CCSER1: variants seen among roughly 807,000 people sequenced by gnomAD.
CCSER1 encodes coiled-coil serine rich protein 1.
CCSER1 carries 41 observed loss-of-function variants against 82.0 expected under a neutral mutation model. The observed-to-expected ratio is 0.50, with a 90% CI of 0.39 to 0.65. CCSER1 has a LOEUF of 0.65. CCSER1 is among the 30% of genes least tolerant of loss of function. The probability of loss-of-function intolerance (pLI) is 0.00; values close to 1 mark genes in which losing one functional copy is unlikely to be tolerated. For synonymous variants in CCSER1, 414 were observed against 383.9 expected, an observed-to-expected ratio of 1.08 and a Z score of -0.92; for missense variants, 1,119 against 1,064.2, an observed-to-expected ratio of 1.05 and a Z score of -0.72.
At chr4:91,105,105 A>T (rs966784925) in intron 10 of CCSER1, among the ~76,000 whole-genome samples, 7 of 151,616 alleles carry the variant, frequency 4.6e-5, no homozygotes, top group Non-Finnish European at 7.4e-5. Context: ...CTTTACCTTC[A>T]TATAGAGTTT....
chr4:90,465,411 C>G (rs1286465506), intron 4 of CCSER1, among the ~76,000 whole-genome samples: 1 of 151,440 alleles, frequency 6.6e-6, no homozygotes, highest in East Asian at 1.9e-4. Flanking sequence ...ACCTCAGCCT[C>G]CCCGGTTCAA....
At chr4:90,508,459 T>C (rs899904951) in intron 5 of CCSER1, among the ~76,000 whole-genome samples, 12 of 152,074 alleles carry the variant, frequency 7.9e-5, no homozygotes, top group African/African-American at 2.4e-4. Flanking sequence ...TCTTCCCCGC[T>C]ACATTTGGAA....
chr4:91,014,007 C>A lies in CCSER1; in HGVS notation c.2173-71943C>A, dbSNP rs1477217902. Among the ~76,000 whole-genome samples the A allele has an allele frequency of 1.5e-5, 2 of 132,698 alleles. 1 individual carries two copies. The highest frequency in any genetic ancestry group is 3.5e-5 in the Non-Finnish European group (2 of 57,284). The allele number at this position is 132,698 out of a possible 152,430, so 87.1% of individuals were successfully genotyped here. ...AAGGGATTTTCATAGGAATTGTGAA[C>A]CAAATAAGAAGGAACCAAACACATA... is the stretch of plus-strand genomic sequence containing the variant. On this transcript the variant is annotated intron_variant, in intron 9 of 10. Coordinates refer to ENST00000509176, the MANE Select transcript of CCSER1 (RefSeq NM_001145065.2).
At chr4:91,062,686 T>C (rs1436633330) in intron 9 of CCSER1, among the ~76,000 whole-genome samples, 2 of 152,134 alleles carry the variant, frequency 1.3e-5, no homozygotes, top group Non-Finnish European at 1.5e-5. Context: ...TGTAAAGCTC[T>C]TTTCTGCCAT....
intron 1 of CCSER1, among the ~76,000 whole-genome samples, chr4:90,302,062 A>G (rs1733243944): frequency 1.3e-5 from 2 of 152,328 alleles, no homozygotes; most frequent in East Asian, 3.9e-4. Context: ...AATTACCCTC[A>G]GGATTATAAG....
At chr4:90,925,686 G>C (rs1728971182) in intron 9 of CCSER1, among the ~76,000 whole-genome samples, 1 of 152,030 alleles carries the variant, frequency 6.6e-6, no homozygotes, top group Non-Finnish European at 1.5e-5. Context: ...AGTTCTCTAA[G>C]CATGAAAATA....
intron 8 of CCSER1, among the ~76,000 whole-genome samples, chr4:90,826,655 G>T (rs952965367): frequency 2.0e-5 from 3 of 152,094 alleles, no homozygotes; most frequent in Non-Finnish European, 4.4e-5. Context: ...GTTTAATTCT[G>T]CATAATACAT....
chr4:91,349,098 A>G lies in CCSER1; in HGVS notation c.2218-249474A>G, dbSNP rs548149119. Among the ~76,000 whole-genome samples, 173 of 152,136 alleles carry G rather than the reference A, an allele frequency of 1.1e-3. 2 individuals are homozygous for G. Among genetic ancestry groups the G allele is most frequent in the African/African-American group, 4.0e-3 (168 of 41,528 alleles). On this transcript the variant is annotated intron_variant, in intron 10 of 10. Transcript: ENST00000509176. ...AACTTTCTGTATTTTTAGTAGAGAC[A>G]GGGTTTCACCGTGTTAGCCAGGATG...
At position 90,846,686 on chromosome 4, in the gene CCSER1, A is replaced by AT. The variant is rs372733836; in HGVS notation, c.2094+30846dup. ...GAATTTATTCCTTCTAACTAACTGT[A>AT]TTTTTGTACCCATTAACCAACCCGT... On this transcript the variant is annotated intron_variant, in intron 8 of 10. Transcript: ENST00000509176. 9.1e-3 allele frequency among the ~76,000 whole-genome samples: 1,387 copies of AT among 152,060 alleles called. 22 individuals are homozygous for AT. The highest frequency in any genetic ancestry group is 0.031 in the African/African-American group (1,301 of 41,478).
intron 10 of CCSER1, among the ~76,000 whole-genome samples, chr4:91,581,952 A>G (rs1305604174): frequency 6.6e-6 from 1 of 151,696 alleles, no homozygotes; most frequent in Non-Finnish European, 1.5e-5. Context: ...TACTTGATTC[A>G]TAACATGCTC....
At chr4:90,825,701 A>AT in intron 8 of CCSER1, among the ~76,000 whole-genome samples, 1 of 138,044 alleles carries the variant, frequency 7.2e-6, no homozygotes, top group East Asian at 2.2e-4. Flanking sequence ...AACAATTGGT[A>AT]TTTTTTTGTT....
At chr4:90,813,603 G>A (rs899166623) in intron 7 of CCSER1, among the ~76,000 whole-genome samples, 2 of 152,148 alleles carry the variant, frequency 1.3e-5, no homozygotes, top group Admixed American at 6.5e-5. Flanking sequence ...TCACAGATCT[G>A]ATGGGTTCAT....
chr4:90,615,217 T>C (rs775134228), intron 5 of CCSER1, among the ~76,000 whole-genome samples: 2 of 152,148 alleles, frequency 1.3e-5, no homozygotes, highest in Non-Finnish European at 2.9e-5. Flanking sequence ...AGCATTCTGA[T>C]GGAGAGGTAT....
chr4:90,949,082 T>C (rs1384431120), intron 9 of CCSER1, among the ~76,000 whole-genome samples: 1 of 152,134 alleles, frequency 6.6e-6, no homozygotes, highest in East Asian at 1.9e-4. Context: ...GATTATCTTA[T>C]AAATTTGTAT....
chr4:91,151,638 G>T (rs938343769), intron 10 of CCSER1, among the ~76,000 whole-genome samples: 1 of 152,192 alleles, frequency 6.6e-6, no homozygotes, highest in African/African-American at 2.4e-5. Flanking sequence ...TCTACACACT[G>T]CTTTAACTGT....
At chr4:91,078,766 G>A (rs1051903913) in intron 9 of CCSER1, among the ~76,000 whole-genome samples, 9 of 152,180 alleles carry the variant, frequency 5.9e-5, no homozygotes, top group Admixed American at 2.6e-4. Flanking sequence ...ACCATGGCAC[G>A]AGAACTACGT....
chr4:90,816,597 GAA>G (rs1282442646), intron 8 of CCSER1, among the ~76,000 whole-genome samples: 2 of 151,872 alleles, frequency 1.3e-5, no homozygotes, highest in Non-Finnish European at 2.9e-5. Flanking sequence ...AAAGAAATAA[GAA>G]GAGATATTTT....
intron 10 of CCSER1, among the ~76,000 whole-genome samples, chr4:91,313,008 CA>C (rs891697119): frequency 3.3e-5 from 5 of 151,826 alleles, no homozygotes; most frequent in African/African-American, 1.2e-4. Flanking sequence ...TCTTTTTTAA[CA>C]TTTGAAAAAT....
At chr4:91,067,180 G>A (rs1720913302) in intron 9 of CCSER1, among the ~76,000 whole-genome samples, 2 of 151,598 alleles carry the variant, frequency 1.3e-5, no homozygotes, top group Admixed American at 6.6e-5. Context: ...AAAAAAAAAA[G>A]AATAGGCCCT....
Sources: allele counts gnomAD v4.1 joint callset (sites outside exome capture counted in the v4.1 genomes callset), GRCh38; gene constraint gnomAD v4.1.1; transcripts MANE v1.5; gene names NCBI Gene and HGNC (gene_info 2026-07-23, HGNC 2026-07-21).